The following SPIDR variants were observed in gnomAD, a reference collection of about 807,000 sequenced individuals.
The protein encoded by SPIDR is DNA repair-scaffolding protein.
Under a neutral mutation model 104.6 loss-of-function variants are expected in SPIDR, and 93 were observed. The observed-to-expected ratio is 0.89, with a 90% confidence interval of 0.75 to 1.06. SPIDR has a LOEUF of 1.06. Among genes scored for constraint, SPIDR ranks in the 50% least tolerant of loss-of-function variants. The pLI is 0.00. For missense variants in SPIDR, 1,154 were observed against 1,111.2 expected, an observed-to-expected ratio of 1.04 and a Z score of -0.55; for synonymous variants, 431 against 416.9, an observed-to-expected ratio of 1.03 and a Z score of -0.41.
intron 10 of SPIDR, among the ~76,000 whole-genome samples, chr8:47,611,690 T>TC (rs2063628734): frequency 6.6e-6 from 1 of 151,246 alleles, no homozygotes; most frequent in African/African-American, 2.4e-5. Context: ...AGAGCGAGAC[T>TC]CCATCTCAAA....
At chr8:47,600,740 T>G (rs2062174122) in intron 10 of SPIDR, among the ~76,000 whole-genome samples, 1 of 152,174 alleles carries the variant, frequency 6.6e-6, no homozygotes, top group South Asian at 2.1e-4. Flanking sequence ...CTTGGCCTTT[T>G]TAATGACACA....
At chr8:47,495,019 T>C (rs1368452786) in intron 8 of SPIDR, among the ~76,000 whole-genome samples, 1 of 152,218 alleles carries the variant, frequency 6.6e-6, no homozygotes, top group Non-Finnish European at 1.5e-5. Context: ...AGTGAGTCTT[T>C]TGAGTTGTAA....
chr8:47,658,011 C>CA (rs1315313773), intron 10 of SPIDR, among the ~76,000 whole-genome samples: 34 of 96,346 alleles, frequency 3.5e-4, no homozygotes, highest in Middle Eastern at 0.022. Flanking sequence ...GCCTGGGCAA[C>CA]AGATTGAGAC....
chr8:47,608,139 C>T (rs1588330340), intron 10 of SPIDR, among the ~76,000 whole-genome samples: 2 of 152,326 alleles, frequency 1.3e-5, no homozygotes, highest in East Asian at 3.9e-4. Flanking sequence ...GGCAACCACT[C>T]ATCTACTTTT....
chr8:47,360,783 G>A, intron 5 of SPIDR: 1 of 973,138 alleles, frequency 1.0e-6, no homozygotes, highest in Non-Finnish European at 1.2e-6. Flanking sequence ...AAGTCTGTGG[G>A]GCAAAAATTT....
chr8:47,474,528 C>G (rs1554722709), intron 8 of SPIDR, among the ~76,000 whole-genome samples: 1 of 152,188 alleles, frequency 6.6e-6, no homozygotes, highest in Non-Finnish European at 1.5e-5. Context: ...GAGTGACGGG[C>G]AGCTCTTTGC....
chr8:47,345,755 CTGTCTGTT>C (rs1174797768), intron 5 of SPIDR, among the ~76,000 whole-genome samples: 2 of 149,922 alleles, frequency 1.3e-5, no homozygotes, highest in Non-Finnish European at 3.0e-5. Context: ...CATGATTTGG[CTGTCTGTT>C]TGTCTCTTAT....
chr8:47,572,459 C>T (rs1437107502), intron 8 of SPIDR, among the ~76,000 whole-genome samples: 2 of 152,066 alleles, frequency 1.3e-5, no homozygotes, highest in East Asian at 1.9e-4. Flanking sequence ...GTGAAAAGAT[C>T]GAGACCATCC....
At chr8:47,495,432 T>C (rs2079293728) in intron 8 of SPIDR, among the ~76,000 whole-genome samples, 2 of 152,144 alleles carry the variant, frequency 1.3e-5, no homozygotes, top group Admixed American at 1.3e-4. Context: ...CAATTCTTCA[T>C]TTTAAAATGT....
intron 16 of SPIDR, among the ~76,000 whole-genome samples, chr8:47,715,531 T>C (rs1367670196): frequency 1.3e-5 from 2 of 152,182 alleles, no homozygotes; most frequent in Non-Finnish European, 2.9e-5. Flanking sequence ...GCAAAAATAA[T>C]TGTGGTTTTT....
rs2037379412 is a variant in SPIDR, at chr8:47,279,888, C to T, written c.60C>T (p.Cys20=). The change falls in exon 2 of 20, where the codon TGC becomes TGT. Residue 20 remains cysteine, a synonymous_variant. Transcript: ENST00000297423. ...GAAAAAGGAGTTGGAATACAGAATG[C>T]CCATCCTTTCCAGGAGAAAGACCAC... ...SKRKRSWNTE[C]PSFPGERPLQ... is the part of the protein sequence containing the mutation. 3 of 1,613,254 alleles carry T rather than the reference C, an allele frequency of 1.9e-6. No homozygotes were observed. The highest frequency in any genetic ancestry group is 3.3e-5 in the Admixed American group (2 of 59,876).
chr8:47,477,739 C>T (rs528371141), intron 8 of SPIDR, among the ~76,000 whole-genome samples: 1 of 152,150 alleles, frequency 6.6e-6, no homozygotes, highest in African/African-American at 2.4e-5. Flanking sequence ...TCCTTTGTTT[C>T]ATTCAGTGAA....
At chr8:47,293,520 C>T (rs927796063) in intron 4 of SPIDR, among the ~76,000 whole-genome samples, 1 of 152,140 alleles carries the variant, frequency 6.6e-6, no homozygotes, top group Non-Finnish European at 1.5e-5. Context: ...GATCTCGGCT[C>T]ACTACAACCT....
chr8:47,325,946 C>T (rs2047587112), intron 5 of SPIDR, among the ~76,000 whole-genome samples: 1 of 152,164 alleles, frequency 6.6e-6, no homozygotes, highest in Non-Finnish European at 1.5e-5. Context: ...ACTTGACTGT[C>T]CTTTCTTTTG....
At chr8:47,454,889 A>T (rs2072651898) in intron 8 of SPIDR, among the ~76,000 whole-genome samples, 1 of 151,980 alleles carries the variant, frequency 6.6e-6, no homozygotes, top group African/African-American at 2.4e-5. Flanking sequence ...TCAAAAAAAA[A>T]TAATAATAAT....
At chr8:47,658,044 A>AAAAG (rs1554548640) in intron 10 of SPIDR, among the ~76,000 whole-genome samples, 287 of 146,306 alleles carry the variant, frequency 2.0e-3, no homozygotes, top group African/African-American at 7.1e-3. Context: ...AAAAAAAAAA[A>AAAAG]AAAAAGAAAA....
intron 8 of SPIDR, among the ~76,000 whole-genome samples, chr8:47,581,091 A>T (rs894261108): frequency 6.6e-6 from 1 of 152,130 alleles, no homozygotes; most frequent in African/African-American, 2.4e-5. Flanking sequence ...CAGAGGCAAC[A>T]TTCTAGAAGG....
chr8:47,583,199 G>A (rs2059911890), intron 8 of SPIDR, among the ~76,000 whole-genome samples: 1 of 151,664 alleles, frequency 6.6e-6, no homozygotes, highest in Admixed American at 6.6e-5. Context: ...CCAGCTACTT[G>A]GGAGGCTGAG....
intron 1 of SPIDR, among the ~76,000 whole-genome samples, chr8:47,269,175 T>TG (rs2034731388): frequency 6.8e-6 from 1 of 147,156 alleles, no homozygotes; most frequent in East Asian, 2.0e-4. Flanking sequence ...CTTTTTTTTT[T>TG]TTTTTTTTTT....
Sources: allele counts gnomAD v4.1 joint callset (sites outside exome capture counted in the v4.1 genomes callset), GRCh38; gene constraint gnomAD v4.1.1; transcripts MANE v1.5; gene names NCBI Gene and HGNC (gene_info 2026-07-23, HGNC 2026-07-21).